WWOX: variants seen among roughly 807,000 people sequenced by gnomAD.
WWOX encodes the protein WW domain-containing oxidoreductase.
In WWOX, 69 loss-of-function variants were observed where a neutral mutation model predicts 46.2. The observed-to-expected ratio is 1.49, with a 90% confidence interval of 1.23 to 1.82. The LOEUF is 1.82. WWOX is among the 40% of genes most tolerant of loss of function. WWOX has a pLI of 0.00. For missense variants in WWOX, 919 were observed against 542.6 expected (o/e 1.69, Z -6.89); for synonymous variants, 359 against 202.6 (o/e 1.77, Z -6.56).
chr16:78,910,993 ATT>A (rs2045095629), intron 8 of WWOX, among the ~76,000 whole-genome samples: 1 of 152,072 alleles, frequency 6.6e-6, no homozygotes. Flanking sequence ...TATATGTGCA[ATT>A]TTTGTCAATT....
intron 5 of WWOX, among the ~76,000 whole-genome samples, chr16:78,185,418 A>C (rs1350652133): frequency 6.6e-6 from 1 of 152,162 alleles, no homozygotes; most frequent in Non-Finnish European, 1.5e-5. Flanking sequence ...AGCTTTCCCC[A>C]AGAATACACC....
At chr16:78,709,559 C>G (rs751906647) in intron 8 of WWOX, among the ~76,000 whole-genome samples, 3 of 152,256 alleles carry the variant, frequency 2.0e-5, no homozygotes, top group Non-Finnish European at 4.4e-5. Flanking sequence ...TTCCTGAACA[C>G]TTGCCTGTCT....
At chr16:79,133,246 C>T (rs1382394603) in intron 8 of WWOX, among the ~76,000 whole-genome samples, 2 of 152,182 alleles carry the variant, frequency 1.3e-5, no homozygotes, top group African/African-American at 2.4e-5. Flanking sequence ...TCCTCCTGCC[C>T]TTCATCTTCT....
intron 5 of WWOX, among the ~76,000 whole-genome samples, chr16:78,375,733 T>C (rs899426823): frequency 3.9e-5 from 6 of 152,152 alleles, no homozygotes; most frequent in African/African-American, 1.4e-4. Context: ...AAAAAAATTA[T>C]AGTTTCCTAA....
chr16:78,978,866 T>C (rs2046624437), intron 8 of WWOX, among the ~76,000 whole-genome samples: 2 of 152,136 alleles, frequency 1.3e-5, no homozygotes, highest in South Asian at 4.1e-4. Context: ...GGGATTACAA[T>C]TCAACATGAG....
At chr16:78,590,404 A>C (rs79684927) in intron 8 of WWOX, among the ~76,000 whole-genome samples, 2,506 of 152,294 alleles carry the variant, frequency 0.016, 50 homozygotes, top group East Asian at 0.079. Flanking sequence ...GATGGTGGCA[A>C]TGGTCAAGAA....
intron 8 of WWOX, among the ~76,000 whole-genome samples, chr16:78,711,516 G>C (rs2048444437): frequency 6.6e-6 from 1 of 152,184 alleles, no homozygotes; most frequent in South Asian, 2.1e-4. Flanking sequence ...AGCTGTTCTA[G>C]AATAATAGTT....
At chr16:78,258,604 C>G (rs938532254) in intron 5 of WWOX, among the ~76,000 whole-genome samples, 2 of 149,548 alleles carry the variant, frequency 1.3e-5, no homozygotes, top group Admixed American at 6.8e-5. Flanking sequence ...GTGAATGATG[C>G]AGCCCAGTTG....
intron 8 of WWOX, among the ~76,000 whole-genome samples, chr16:78,697,141 C>T (rs1283012665): frequency 1.3e-5 from 2 of 152,134 alleles, no homozygotes; most frequent in Non-Finnish European, 2.9e-5. Context: ...GCAAGTATGT[C>T]TTTCATATAA....
At chr16:78,970,381 C>G (rs900851183) in intron 8 of WWOX, among the ~76,000 whole-genome samples, 7 of 152,184 alleles carry the variant, frequency 4.6e-5, no homozygotes, top group African/African-American at 1.7e-4. Context: ...TTAGCATAAC[C>G]TCATGCCCAG....
intron 8 of WWOX, among the ~76,000 whole-genome samples, chr16:78,918,320 C>T (rs188465389): frequency 1.1e-4 from 17 of 152,298 alleles, no homozygotes; most frequent in Non-Finnish European, 4.4e-5. Context: ...ATCTTCTATA[C>T]ATTTCCTGTT....
chr16:78,150,429 G>A (rs2034363558), intron 4 of WWOX, among the ~76,000 whole-genome samples: 1 of 151,982 alleles, frequency 6.6e-6, no homozygotes, highest in South Asian at 2.1e-4. Flanking sequence ...GCAGTGCAGT[G>A]GTGCAATTAT....
chr16:78,453,488 C>A (rs548884996), intron 8 of WWOX, among the ~76,000 whole-genome samples: 1 of 151,918 alleles, frequency 6.6e-6, no homozygotes, highest in Non-Finnish European at 1.5e-5. Context: ...CATGAGCTAG[C>A]GGTAGAAATG....
intron 8 of WWOX, among the ~76,000 whole-genome samples, chr16:78,519,376 G>C (rs1597203577): frequency 1.3e-5 from 2 of 152,144 alleles, no homozygotes; most frequent in African/African-American, 2.4e-5. Flanking sequence ...TTTTGGCTTA[G>C]TTTCTTCCTC....
At chr16:78,686,839 T>C (rs894297497) in intron 8 of WWOX, among the ~76,000 whole-genome samples, 1 of 152,220 alleles carries the variant, frequency 6.6e-6, no homozygotes, top group African/African-American at 2.4e-5. Context: ...GGCTTCGTTT[T>C]CGAAACTCAC....
intron 6 of WWOX, among the ~76,000 whole-genome samples, chr16:78,392,783 C>T (rs921408311): frequency 2.0e-5 from 3 of 152,098 alleles, no homozygotes; most frequent in African/African-American, 7.2e-5. Context: ...TACACACAGG[C>T]CTGATTGCCA....
chr16:78,971,448 C>CAAAAAAA (rs71140852), intron 8 of WWOX, among the ~76,000 whole-genome samples: 1 of 111,920 alleles, frequency 8.9e-6, no homozygotes, highest in African/African-American at 3.4e-5. Context: ...GACTCTGTGT[C>CAAAAAAA]AAAAAAAAAA....
At chr16:78,416,217 G>A (rs997322662) in intron 6 of WWOX, among the ~76,000 whole-genome samples, 2 of 152,128 alleles carry the variant, frequency 1.3e-5, no homozygotes, top group African/African-American at 4.8e-5. Context: ...CCTTTTCATA[G>A]TCTGTAAATA....
chr16:79,059,084 A>G (rs964327231), intron 8 of WWOX, among the ~76,000 whole-genome samples: 2 of 152,362 alleles, frequency 1.3e-5, no homozygotes, highest in South Asian at 4.1e-4. Context: ...TCTCCTTTTG[A>G]AAATGACATT....
Sources: gnomAD v4.1 joint callset for allele counts (sites outside exome capture counted in the v4.1 genomes callset) on GRCh38, gnomAD v4.1.1 for gene constraint, MANE v1.5 for transcripts, NCBI Gene and HGNC (gene_info 2026-07-23, HGNC 2026-07-21) for gene names.